The following DAB1 variants were observed in gnomAD, a reference collection of about 807,000 sequenced individuals.
The protein encoded by DAB1 is disabled homolog 1.
In DAB1, 15 loss-of-function variants were observed where a neutral mutation model predicts 64.6. The observed-to-expected ratio is 0.23, with a 90% CI of 0.16 to 0.36. DAB1 has a LOEUF of 0.36. Among genes scored for constraint, DAB1 ranks in the 10% least tolerant of loss-of-function variants. The pLI is 1.00. For synonymous variants in DAB1, 235 were observed against 251.9 expected (o/e 0.93, Z 0.64); for missense variants, 596 against 706.7 (o/e 0.84, Z 1.78).
intron 4 of DAB1, among the ~76,000 whole-genome samples, chr1:57,108,090 CAT>C (rs1461184414): frequency 6.6e-6 from 1 of 152,096 alleles, no homozygotes. Context: ...TTTCTGAATT[CAT>C]ATGTGTGGTC....
chr1:58,232,928 T>C (rs938550727), intron 4 of DAB1, among the ~76,000 whole-genome samples: 3 of 152,224 alleles, frequency 2.0e-5, no homozygotes, highest in Non-Finnish European at 4.4e-5. Context: ...CTATGTTATC[T>C]ATTTATTATC....
chr1:57,601,583 A>C (rs1410433708), intron 7 of DAB1, among the ~76,000 whole-genome samples: 4 of 151,712 alleles, frequency 2.6e-5, no homozygotes, highest in Admixed American at 2.6e-4. Context: ...ACAGAGCAAG[A>C]CTCCTTTTCA....
At chr1:57,193,295 A>AT in intron 2 of DAB1, among the ~76,000 whole-genome samples, 1 of 150,048 alleles carries the variant, frequency 6.7e-6, no homozygotes, top group East Asian at 2.0e-4. Context: ...TAGATCCCAC[A>AT]TATCAGTGGA....
At chr1:57,973,935 T>C (rs949509419) in intron 5 of DAB1, among the ~76,000 whole-genome samples, 9 of 152,154 alleles carry the variant, frequency 5.9e-5, no homozygotes, top group African/African-American at 2.2e-4. Flanking sequence ...CCTCCCAAAA[T>C]GGCTACTCAA....
intron 7 of DAB1, among the ~76,000 whole-genome samples, chr1:57,642,040 T>C (rs72910526): frequency 0.017 from 2,589 of 152,218 alleles, 72 homozygotes; most frequent in African/African-American, 0.059. Context: ...CAGATAACAA[T>C]AGCTTTCTCA....
chr1:57,071,702 T>C, intron 5 of DAB1, 61 bp from the exon 6 acceptor site: 1 of 1,555,792 alleles, frequency 6.4e-7, no homozygotes, highest in Non-Finnish European at 8.6e-7. Flanking sequence ...AGCAACAAAT[T>C]TTTGTTTTTG....
chr1:58,124,584 T>A (rs1053015460), intron 5 of DAB1, among the ~76,000 whole-genome samples: 6 of 152,198 alleles, frequency 3.9e-5, no homozygotes, highest in African/African-American at 1.4e-4. Flanking sequence ...AAGCTAGATA[T>A]GAAGGCCATC....
At chr1:58,304,324 G>GACAGA (rs1207773848) in intron 4 of DAB1, among the ~76,000 whole-genome samples, 1 of 152,102 alleles carries the variant, frequency 6.6e-6, no homozygotes, top group Non-Finnish European at 1.5e-5. Context: ...TCTATTTTTA[G>GACAGA]GTATCTTTGC....
chr1:57,676,485 T>C (rs1646567763), intron 6 of DAB1, among the ~76,000 whole-genome samples: 1 of 152,224 alleles, frequency 6.6e-6, no homozygotes, highest in Non-Finnish European at 1.5e-5. Flanking sequence ...TCCTGTTACA[T>C]TTTTAAGTCA....
intron 4 of DAB1, among the ~76,000 whole-genome samples, chr1:58,159,516 T>G (rs1655400605): frequency 6.6e-6 from 1 of 152,204 alleles, no homozygotes; most frequent in African/African-American, 2.4e-5. Context: ...CTATTCTATA[T>G]GTTGATATGG....
chr1:57,341,150 T>C (rs1677545980), intron 1 of DAB1, among the ~76,000 whole-genome samples: 1 of 152,100 alleles, frequency 6.6e-6, no homozygotes. Flanking sequence ...GGCTGGTAAA[T>C]GGCAGGGCAG....
intron 1 of DAB1, among the ~76,000 whole-genome samples, chr1:57,297,554 A>G (rs1673304128): frequency 6.6e-6 from 1 of 152,116 alleles, no homozygotes; most frequent in South Asian, 2.1e-4. Context: ...ACATACATAG[A>G]GAGAAAACAC....
At chr1:57,202,191 G>T (rs77385191) in intron 2 of DAB1, among the ~76,000 whole-genome samples, 2 of 152,152 alleles carry the variant, frequency 1.3e-5, no homozygotes, top group African/African-American at 4.8e-5. Context: ...GAATTTGAAA[G>T]GCAGATTTTT....
intron 8 of DAB1, among the ~76,000 whole-genome samples, chr1:57,065,201 A>G (rs1307420621): frequency 1.3e-5 from 2 of 152,142 alleles, no homozygotes; most frequent in Admixed American, 6.6e-5. Context: ...CTCAGCTGGG[A>G]TATCTTCTTG....
chr1:57,337,778 C>T (rs564783328), intron 1 of DAB1, among the ~76,000 whole-genome samples: 2 of 152,110 alleles, frequency 1.3e-5, no homozygotes, highest in Admixed American at 6.5e-5. Context: ...CCCTGCTCAT[C>T]GGCAACAGGC....
At chr1:58,018,078 T>C (rs1275186305) in intron 5 of DAB1, among the ~76,000 whole-genome samples, 1 of 116,688 alleles carries the variant, frequency 8.6e-6, no homozygotes, top group Non-Finnish European at 1.8e-5. Flanking sequence ...ATGATGCTTG[T>C]GCTTTTTACT....
At chr1:58,159,174 C>G (rs968531443) in intron 4 of DAB1, among the ~76,000 whole-genome samples, 1 of 152,096 alleles carries the variant, frequency 6.6e-6, no homozygotes, top group Non-Finnish European at 1.5e-5. Flanking sequence ...CTTCTCTGAG[C>G]CTTATTTATG....
chr1:57,223,352 A>G (rs1287813086), intron 2 of DAB1, among the ~76,000 whole-genome samples: 1 of 152,172 alleles, frequency 6.6e-6, no homozygotes, highest in African/African-American at 2.4e-5. Flanking sequence ...GCTTTGGTCC[A>G]CAACTTTGGT....
At chr1:57,123,070 C>A (rs1314711679) in intron 4 of DAB1, among the ~76,000 whole-genome samples, 1 of 151,992 alleles carries the variant, frequency 6.6e-6, no homozygotes, top group Non-Finnish European at 1.5e-5. Flanking sequence ...CATTGAAAGC[C>A]AATGATCAGA....
Sources: gnomAD v4.1 joint callset for allele counts (sites outside exome capture counted in the v4.1 genomes callset) on GRCh38, gnomAD v4.1.1 for gene constraint, MANE v1.5 for transcripts, NCBI Gene and HGNC (gene_info 2026-07-23, HGNC 2026-07-21) for gene names.